The following LIMCH1 variants were observed in gnomAD, a reference collection of about 807,000 sequenced individuals.
LIMCH1 encodes the protein LIM and calponin homology domains-containing protein 1.
Under a neutral mutation model 176.5 loss-of-function variants are expected in LIMCH1, and 113 were observed. The ratio of observed to expected loss-of-function variants is 0.64; its 90% CI spans 0.55 to 0.75. The LOEUF (loss-of-function observed/expected upper bound fraction) is 0.75. Ranked by LOEUF, LIMCH1 falls within the 30% of genes least tolerant of loss-of-function variation. LIMCH1 has a pLI of 0.00. For missense variants in LIMCH1, 1,674 were observed against 1,814.9 expected (o/e 0.92, Z 1.41); for synonymous variants, 619 against 645.9 (o/e 0.96, Z 0.63).
At chr4:41,566,276 C>T (rs992773898) in intron 1 of LIMCH1, among the ~76,000 whole-genome samples, 1 of 152,128 alleles carries the variant, frequency 6.6e-6, no homozygotes, top group Admixed American at 6.5e-5. Context: ...TGGCATCTAG[C>T]ATGATGAATC....
At chr4:41,384,803 A>G (rs968300752) in intron 1 of LIMCH1, among the ~76,000 whole-genome samples, 7 of 152,090 alleles carry the variant, frequency 4.6e-5, no homozygotes, top group South Asian at 2.1e-4. Context: ...TTCAAAGTCC[A>G]CTCCAAATAC....
intron 1 of LIMCH1, among the ~76,000 whole-genome samples, chr4:41,457,226 T>C (rs1197996733): frequency 6.6e-6 from 1 of 152,180 alleles, no homozygotes; most frequent in African/African-American, 2.4e-5. Flanking sequence ...TAATTTCATC[T>C]TGCTTTCACA....
intron 25 of LIMCH1, among the ~76,000 whole-genome samples, chr4:41,681,747 C>T (rs970131194): frequency 1.3e-5 from 2 of 152,138 alleles, no homozygotes; most frequent in African/African-American, 4.8e-5. Context: ...AGCAAACCAC[C>T]ATGGCACATG....
At chr4:41,541,681 T>C (rs2078672108) in intron 1 of LIMCH1, among the ~76,000 whole-genome samples, 1 of 152,240 alleles carries the variant, frequency 6.6e-6, no homozygotes, top group South Asian at 2.1e-4. Flanking sequence ...GATTAATTTT[T>C]GGATCTCTGC....
In LIMCH1 at chr4:41,645,203, T is replaced by C. The variant is rs539198767; in HGVS notation, c.2253+577T>C. ...GAGGCTGATGAGGGCTTTGAGATTG[T>C]GTGCTGAGAGCCAAAGCGGGGAGAG... On this transcript the variant is annotated intron_variant, in intron 15 of 31. Transcript: ENST00000503057. Among the ~76,000 whole-genome samples the C allele has an allele frequency of 3.9e-5, 6 of 152,308 alleles. No homozygotes were observed. The South Asian group carries it at 8.3e-4, about 21-fold the overall frequency.
chr4:41,532,879 A>G (rs2077478407), intron 3 of LIMCH1, among the ~76,000 whole-genome samples: 1 of 152,188 alleles, frequency 6.6e-6, no homozygotes, highest in Non-Finnish European at 1.5e-5. Context: ...AACATTTATC[A>G]TCTCATTGTT....
At chr4:41,394,274 GC>G (rs766495870) in intron 1 of LIMCH1, among the ~76,000 whole-genome samples, 100 of 152,202 alleles carry the variant, frequency 6.6e-4, no homozygotes, top group Non-Finnish European at 1.3e-3. Flanking sequence ...ATAGGACCCT[GC>G]TTGTGGTATT....
chr4:41,683,797 T>A (rs1469066713), intron 26 of LIMCH1, among the ~76,000 whole-genome samples: 1 of 152,214 alleles, frequency 6.6e-6, no homozygotes, highest in Non-Finnish European at 1.5e-5. Flanking sequence ...TTTTATGCAA[T>A]GAAAACCACT....
At chr4:41,606,323 T>C (rs2090704609) in intron 4 of LIMCH1, among the ~76,000 whole-genome samples, 1 of 152,206 alleles carries the variant, frequency 6.6e-6, no homozygotes, top group African/African-American at 2.4e-5. Context: ...GGGGGAATAA[T>C]GCTTGAATTA....
chr4:41,621,544 C>T (rs999605776), intron 7 of LIMCH1, among the ~76,000 whole-genome samples: 2 of 151,196 alleles, frequency 1.3e-5, no homozygotes, highest in African/African-American at 4.9e-5. Flanking sequence ...CTCCGTCACC[C>T]AAGCTGGGGT....
At chr4:41,606,811 T>C (rs1428824108) in intron 4 of LIMCH1, among the ~76,000 whole-genome samples, 3 of 152,200 alleles carry the variant, frequency 2.0e-5, no homozygotes, top group African/African-American at 7.2e-5. Flanking sequence ...ATTATTTTAT[T>C]TTTTTGAGAT....
At chr4:41,559,668 G>T (rs191008984) in intron 1 of LIMCH1, among the ~76,000 whole-genome samples, 42 of 152,026 alleles carry the variant, frequency 2.8e-4, no homozygotes, top group Admixed American at 2.0e-3. Flanking sequence ...CTACTCTCAG[G>T]GTCACTAACC....
chr4:41,361,159 A>T (rs1461889421), intron 1 of LIMCH1, among the ~76,000 whole-genome samples: 1 of 152,130 alleles, frequency 6.6e-6, no homozygotes, highest in Non-Finnish European at 1.5e-5. Context: ...ACTGCAGTCT[A>T]GCTGCGCGCG....
intron 1 of LIMCH1, among the ~76,000 whole-genome samples, chr4:41,428,432 TG>T (rs1231821146): frequency 2.0e-5 from 3 of 152,074 alleles, no homozygotes; most frequent in African/African-American, 7.2e-5. Context: ...GATGAGATAA[TG>T]TCAGAAGAGA....
At chr4:41,594,393 C>T (rs527831324) in intron 1 of LIMCH1, among the ~76,000 whole-genome samples, 40 of 152,258 alleles carry the variant, frequency 2.6e-4, no homozygotes, top group African/African-American at 8.7e-4. Flanking sequence ...ACTTCTTTTC[C>T]CTTGGGATTG....
intron 1 of LIMCH1, among the ~76,000 whole-genome samples, chr4:41,373,942 C>T (rs1171504663): frequency 6.6e-6 from 1 of 152,196 alleles, no homozygotes; most frequent in African/African-American, 2.4e-5. Flanking sequence ...CCCCTGCTCT[C>T]TCTTCCTCCT....
intron 3 of LIMCH1, among the ~76,000 whole-genome samples, chr4:41,605,489 A>G (rs938006768): frequency 6.6e-6 from 1 of 152,190 alleles, no homozygotes; most frequent in African/African-American, 2.4e-5. Context: ...ATGGGCCTTC[A>G]AAAGCACCTT....
chr4:41,410,068 A>T (rs911163310), intron 1 of LIMCH1, among the ~76,000 whole-genome samples: 4 of 152,172 alleles, frequency 2.6e-5, no homozygotes, highest in Admixed American at 1.3e-4. Context: ...TAAGGGCTTT[A>T]TATCTTATGC....
chr4:41,374,924 A>G (rs930128576), intron 1 of LIMCH1, among the ~76,000 whole-genome samples: 2 of 152,174 alleles, frequency 1.3e-5, no homozygotes, highest in African/African-American at 4.8e-5. Flanking sequence ...ACACATTCTC[A>G]TTCATGATCA....
Sources: gnomAD v4.1 joint callset for allele counts (sites outside exome capture counted in the v4.1 genomes callset) on GRCh38, gnomAD v4.1.1 for gene constraint, MANE v1.5 for transcripts, NCBI Gene and HGNC (gene_info 2026-07-23, HGNC 2026-07-21) for gene names.